FAM53A: variants seen among roughly 807,000 people sequenced by gnomAD.
FAM53A encodes the protein protein FAM53A.
FAM53A carries 28 observed loss-of-function variants against 26.6 expected under a neutral mutation model. The observed-to-expected ratio is 1.05, with a 90% CI of 0.78 to 1.45. The LOEUF is 1.45. Ranked by LOEUF, FAM53A falls within the 40% of genes most tolerant of loss-of-function variation. FAM53A has a pLI of 0.00. For missense variants in FAM53A, 650 were observed against 575.8 expected (o/e 1.13, Z -1.32); for synonymous variants, 290 against 253.1 (o/e 1.15, Z -1.38).
At chr4:1,597,720 G>C in the FAM53A span, among the ~76,000 whole-genome samples, 1 of 152,260 alleles carries the variant, frequency 6.6e-6, no homozygotes, top group African/African-American at 2.4e-5. Flanking sequence ...GACCAGCCGG[G>C]CGCGGTGGCT....
Position 1,624,618 on chromosome 4 carries a change from C to T in FAM53A, c.432-6507G>A, listed in dbSNP as rs146630770. Among the ~76,000 whole-genome samples the T allele has an allele frequency of 4.0e-3, 605 of 152,300 alleles. 5 individuals carry two copies. Among genetic ancestry groups the T allele is most frequent in the African/African-American group, 0.014 (562 of 41,558 alleles). Reference sequence around the variant, plus strand: ...CCTCAAAGGCAATAACAGAACCCTCCGCGCAAACCAAAGGTGAGGACTCAC... The same window carrying T: ...CCTCAAAGGCAATAACAGAACCCTCTGCGCAAACCAAAGGTGAGGACTCAC... On this transcript the variant is annotated intron_variant, in intron 1 of 1. Coordinates refer to the FAM53A transcript ENST00000489029.
intron 4 of FAM53A, among the ~76,000 whole-genome samples, chr4:1,645,506 T>C (rs1325604030): frequency 6.6e-6 from 1 of 152,200 alleles, no homozygotes; most frequent in African/African-American, 2.4e-5. Context: ...CACACAGCCT[T>C]ACAAAGCCAG....
At chr4:1,647,812 A>G (rs1712382645) in intron 4 of FAM53A, among the ~76,000 whole-genome samples, 1 of 152,252 alleles carries the variant, frequency 6.6e-6, no homozygotes, top group African/African-American at 2.4e-5. Flanking sequence ...GTGCCCACCC[A>G]GAGTCAGGAC....
At chr4:1,584,015 T>C in the FAM53A span, among the ~76,000 whole-genome samples, 1 of 152,238 alleles carries the variant, frequency 6.6e-6, no homozygotes, top group Non-Finnish European at 1.5e-5. Flanking sequence ...TCTCTGCCCC[T>C]TTTTCTTTTG....
chr4:1,592,896 G>T, the FAM53A span, among the ~76,000 whole-genome samples: 2 of 151,952 alleles, frequency 1.3e-5, no homozygotes, highest in Non-Finnish European at 2.9e-5. Flanking sequence ...GGCGTCTGCA[G>T]GGCACATGGC....
At chr4:1,672,360 CCA>C (rs1714742052) in intron 1 of FAM53A, among the ~76,000 whole-genome samples, 1 of 139,278 alleles carries the variant, frequency 7.2e-6, no homozygotes, top group African/African-American at 3.3e-5. Context: ...ACCCAGGAAC[CCA>C]GGAACCCACG....
At chr4:1,587,391 G>A in the FAM53A span, among the ~76,000 whole-genome samples, 1 of 152,066 alleles carries the variant, frequency 6.6e-6, no homozygotes, top group Non-Finnish European at 1.5e-5. Context: ...TCCCTTTCTG[G>A]CCGGGCACAG....
chr4:1,607,918 CA>C, the FAM53A span, among the ~76,000 whole-genome samples: 3 of 136,358 alleles, frequency 2.2e-5, no homozygotes, highest in South Asian at 4.7e-4. Context: ...CCAACCTGGG[CA>C]AAAAGAGTGA....
At chr4:1,607,046 TCTCA>T in the FAM53A span, among the ~76,000 whole-genome samples, 2 of 152,020 alleles carry the variant, frequency 1.3e-5, no homozygotes, top group Non-Finnish European at 2.9e-5. Context: ...TGAGACGGAG[TCTCA>T]CTCTATCACC....
chr4:1,575,544 T>C, the FAM53A span, among the ~76,000 whole-genome samples: 2 of 151,794 alleles, frequency 1.3e-5, no homozygotes, highest in South Asian at 2.1e-4. Flanking sequence ...AGGGGGTTGC[T>C]GAAGGTATGG....
chr4:1,681,140 A>C (rs1715406821), intron 1 of FAM53A, among the ~76,000 whole-genome samples: 1 of 152,174 alleles, frequency 6.6e-6, no homozygotes, highest in South Asian at 2.1e-4. Flanking sequence ...GTTGCTGCCC[A>C]GGCTGAAGTG....
chr4:1,652,885 A>G (rs1294962482), intron 4 of FAM53A, among the ~76,000 whole-genome samples: 2 of 147,200 alleles, frequency 1.4e-5, no homozygotes, highest in Non-Finnish European at 3.0e-5. Flanking sequence ...AACACCACAC[A>G]TACCACAGAC....
At chr4:1,632,302 GAC>G (rs1276367808) in intron 1 of FAM53A, among the ~76,000 whole-genome samples, 2 of 152,108 alleles carry the variant, frequency 1.3e-5, no homozygotes, top group Non-Finnish European at 2.9e-5. Context: ...TGAGGACACA[GAC>G]ACACACAGAG....
intron 1 of FAM53A, among the ~76,000 whole-genome samples, chr4:1,629,121 G>A (rs1345394496): frequency 6.6e-6 from 1 of 151,968 alleles, no homozygotes; most frequent in Non-Finnish European, 1.5e-5. Flanking sequence ...CGGATACCTC[G>A]CCCAGCCCAG....
At chr4:1,653,639 G>A (rs934958464) in intron 4 of FAM53A, among the ~76,000 whole-genome samples, 8 of 152,196 alleles carry the variant, frequency 5.3e-5, no homozygotes, top group African/African-American at 1.9e-4. Flanking sequence ...CAAAAGATCA[G>A]AGCCTTCTCT....
upstream of FAM53A, among the ~76,000 whole-genome samples, chr4:1,684,557 C>G (rs1018514472): frequency 1.5e-4 from 22 of 151,132 alleles, no homozygotes; most frequent in African/African-American, 4.8e-4. Context: ...CCCCTGCGCG[C>G]GTGCGTGCCT....
At chr4:1,627,608 T>C (rs1157624614) in intron 1 of FAM53A, among the ~76,000 whole-genome samples, 1 of 152,160 alleles carries the variant, frequency 6.6e-6, no homozygotes, top group African/African-American at 2.4e-5. Flanking sequence ...CTGATCCTTC[T>C]TGTCCTCTCC....
chr4:1,681,243 C>T (rs1033934072), intron 1 of FAM53A, among the ~76,000 whole-genome samples: 1 of 152,050 alleles, frequency 6.6e-6, no homozygotes, highest in Non-Finnish European at 1.5e-5. Context: ...ATTGCAGGCA[C>T]CCGCCACCAC....
chr4:1,676,749 G>A (rs547656037), intron 1 of FAM53A, among the ~76,000 whole-genome samples: 7 of 152,086 alleles, frequency 4.6e-5, no homozygotes, highest in African/African-American at 7.2e-5. Context: ...GCACGTCACG[G>A]TGTATCTCTT....
Sources: gnomAD v4.1 joint callset for allele counts (sites outside exome capture counted in the v4.1 genomes callset) on GRCh38, gnomAD v4.1.1 for gene constraint, MANE v1.5 for transcripts, NCBI Gene and HGNC (gene_info 2026-07-23, HGNC 2026-07-21) for gene names.